The following SLC27A6 variants were observed in gnomAD, a reference collection of about 807,000 sequenced individuals.
The protein encoded by SLC27A6 is long-chain fatty acid transport protein 6.
In SLC27A6, 74 loss-of-function variants were observed where a neutral mutation model predicts 63.9. The ratio of observed to expected loss-of-function variants is 1.16; its 90% CI spans 0.96 to 1.40. The LOEUF is 1.40. Among genes scored for constraint, SLC27A6 ranks in the 40% most tolerant of loss-of-function variants. SLC27A6 has a pLI of 0.00. For synonymous variants in SLC27A6, 287 were observed against 260.8 expected (o/e 1.10, Z -0.97); for missense variants, 794 against 732.9 (o/e 1.08, Z -0.96).
intron 4 of SLC27A6, among the ~76,000 whole-genome samples, chr5:129,001,368 A>G (rs1014922704): frequency 5.3e-5 from 8 of 152,190 alleles, no homozygotes; most frequent in Non-Finnish European, 8.8e-5. Flanking sequence ...TGCAATAGCC[A>G]TTTGACTTGG....
intron 8 of SLC27A6, among the ~76,000 whole-genome samples, chr5:129,028,753 T>C (rs981921192): frequency 1.3e-5 from 2 of 151,930 alleles, no homozygotes; most frequent in African/African-American, 4.8e-5. Context: ...ATTTTTCTTT[T>C]TATGACTGGT....
chr5:129,012,103 T>C (rs1181594485), intron 4 of SLC27A6, among the ~76,000 whole-genome samples: 1 of 151,780 alleles, frequency 6.6e-6, no homozygotes, highest in Non-Finnish European at 1.5e-5. Flanking sequence ...AATATAAAAA[T>C]ACGTATTTTT....
At chr5:128,980,390 C>G (rs1026668389) in intron 1 of SLC27A6, among the ~76,000 whole-genome samples, 52 of 152,224 alleles carry the variant, frequency 3.4e-4, no homozygotes, top group African/African-American at 1.3e-3. Flanking sequence ...GGTCACACAA[C>G]TAGCAAGTGT....
intron 4 of SLC27A6, among the ~76,000 whole-genome samples, chr5:129,014,635 C>G (rs1751831054): frequency 6.6e-6 from 1 of 152,264 alleles, no homozygotes; most frequent in Middle Eastern, 3.4e-3. Flanking sequence ...CTAGACATCT[C>G]CAGAGATTAC....
chr5:129,025,018 A>G (rs1048248493), intron 6 of SLC27A6, among the ~76,000 whole-genome samples: 6 of 152,138 alleles, frequency 3.9e-5, no homozygotes, highest in African/African-American at 1.2e-4. Flanking sequence ...GCAGAGTGCA[A>G]AGAACTTAAG....
chr5:129,019,434 G>A (rs574853917), intron 5 of SLC27A6, among the ~76,000 whole-genome samples: 1 of 149,608 alleles, frequency 6.7e-6, no homozygotes, highest in Non-Finnish European at 1.5e-5. Context: ...AATAAAGCTC[G>A]GAAAAAAAAA....
chr5:128,996,909 C>T (rs1474068301), intron 4 of SLC27A6, among the ~76,000 whole-genome samples: 1 of 152,112 alleles, frequency 6.6e-6, no homozygotes, highest in Non-Finnish European at 1.5e-5. Context: ...GGACCAAAGA[C>T]GGTCATAAGC....
At chr5:129,004,488 T>C (rs1751452741) in intron 4 of SLC27A6, among the ~76,000 whole-genome samples, 1 of 152,328 alleles carries the variant, frequency 6.6e-6, no homozygotes, top group South Asian at 2.1e-4. Flanking sequence ...TCACTTCATA[T>C]CTTTCACTTG....
chr5:128,989,923 CAA>C (rs11415836), intron 3 of SLC27A6, among the ~76,000 whole-genome samples: 7 of 96,408 alleles, frequency 7.3e-5, no homozygotes, highest in Admixed American at 1.1e-4. Context: ...GACTCCGTCT[CAA>C]AAAAAAAAAA....
chr5:128,990,158 CAG>C (rs777424859), intron 3 of SLC27A6, among the ~76,000 whole-genome samples, 180 bp from the exon 4 acceptor site: 4 of 152,090 alleles, frequency 2.6e-5, no homozygotes, highest in East Asian at 3.9e-4. Context: ...AATATTTTAA[CAG>C]AGTTTTTGGA....
chr5:129,004,460 G>A (rs1227247071), intron 4 of SLC27A6, among the ~76,000 whole-genome samples: 3 of 151,794 alleles, frequency 2.0e-5, no homozygotes, highest in Non-Finnish European at 2.9e-5. Context: ...AGTCTTTCAC[G>A]CTCTCTCTGT....
chr5:129,023,006 T>G (rs1148740), intron 5 of SLC27A6, among the ~76,000 whole-genome samples: 36,908 of 151,978 alleles, frequency 0.24, 5,730 homozygotes, highest in Non-Finnish European at 0.35. Context: ...GATGGGAGTT[T>G]TCTAATAAAT....
chr5:129,029,674 A>G lies in SLC27A6; in HGVS notation c.1650A>G (p.Pro550=). The change falls in exon 9 of 10, where the codon CCA becomes CCG. Residue 550 remains proline (P), a synonymous_variant. Coordinates refer to ENST00000262462, the MANE Select transcript of SLC27A6 (RefSeq NM_001017372.3). ...KVYEQVVTFL[P]AYACPRFLRI... is the part of the protein sequence containing the mutation. The stretch of plus-strand genomic sequence containing the variant: ...ATGAACAAGTTGTAACATTTCTACC[A>G]GCTTATGCTTGTCCACGATTTTTAA... 1 of 1,601,596 alleles carries G rather than the reference A, an allele frequency of 6.2e-7. No homozygotes were observed. The highest frequency in any genetic ancestry group is 8.5e-7 in the Non-Finnish European group (1 of 1,176,204).
intron 5 of SLC27A6, among the ~76,000 whole-genome samples, chr5:129,016,665 C>T (rs568647295): frequency 3.7e-4 from 56 of 152,074 alleles, no homozygotes; most frequent in African/African-American, 7.2e-5. Flanking sequence ...AAATAGCAAG[C>T]ATAGGCCCTG....
chr5:128,979,598 A>G (rs901236593), intron 1 of SLC27A6, among the ~76,000 whole-genome samples: 2 of 152,232 alleles, frequency 1.3e-5, no homozygotes, highest in Non-Finnish European at 2.9e-5. Flanking sequence ...GCCAGATGCA[A>G]CATGCCTTCT....
At chr5:128,977,038 A>G (rs1750413917) in intron 1 of SLC27A6, among the ~76,000 whole-genome samples, 1 of 152,262 alleles carries the variant, frequency 6.6e-6, no homozygotes, top group South Asian at 2.1e-4. Flanking sequence ...CATCAACACA[A>G]CCAGGAAATC....
intron 5 of SLC27A6, among the ~76,000 whole-genome samples, chr5:129,016,940 G>T (rs546069974): frequency 6.6e-6 from 1 of 152,184 alleles, no homozygotes; most frequent in South Asian, 2.1e-4. Context: ...CCTTCCACTG[G>T]CTTGGAAAAA....
chr5:129,010,313 A>G (rs1253280018), intron 4 of SLC27A6, among the ~76,000 whole-genome samples: 1 of 152,220 alleles, frequency 6.6e-6, no homozygotes, highest in Non-Finnish European at 1.5e-5. Flanking sequence ...CAAATTAAAA[A>G]TTAAAAAATG....
intron 1 of SLC27A6, among the ~76,000 whole-genome samples, chr5:128,975,411 C>T (rs1750341668): frequency 6.6e-6 from 1 of 152,154 alleles, no homozygotes; most frequent in African/African-American, 2.4e-5. Context: ...GTGTGAACAT[C>T]ATAGAGTGTA....
Sources: gnomAD v4.1 joint callset for allele counts (sites outside exome capture counted in the v4.1 genomes callset) on GRCh38, gnomAD v4.1.1 for gene constraint, MANE v1.5 for transcripts, NCBI Gene and HGNC (gene_info 2026-07-23, HGNC 2026-07-21) for gene names.